Variants in ACOT7 observed in about 807,000 individuals in gnomAD.
ACOT7 encodes the protein cytosolic acyl coenzyme A thioester hydrolase.
A neutral mutation model predicts 40.2 loss-of-function variants in ACOT7; 12 were observed. The ratio of observed to expected loss-of-function variants is 0.30; its 90% CI spans 0.19 to 0.48. The LOEUF is 0.48. Ranked by LOEUF, ACOT7 falls within the 20% of genes least tolerant of loss-of-function variation. ACOT7 has a pLI of 0.99. For synonymous variants in ACOT7, 228 were observed against 219.5 expected (o/e 1.04, Z -0.34); for missense variants, 395 against 530.8 (o/e 0.74, Z 2.51).
chr1:6,295,027 G>A (rs771888331), intron 6 of ACOT7, 47 bp from the exon 7 acceptor site: 1 of 1,448,648 alleles, frequency 6.9e-7, no homozygotes, highest in South Asian at 1.1e-5. Flanking sequence ...AGGCAGAGGA[G>A]ATTATTTCAC....
intron 1 of ACOT7, among the ~76,000 whole-genome samples, chr1:6,373,059 C>T (rs996385382): frequency 1.3e-5 from 2 of 152,150 alleles, no homozygotes; most frequent in South Asian, 2.1e-4. Context: ...CTTACATGGA[C>T]GTGGTTCGTG....
rs72858387 is a variant in ACOT7, at chr1:6,355,915, G to A, written c.144-6049C>T. On this transcript the variant is annotated intron_variant, in intron 1 of 8. Coordinates refer to ENST00000361521, the MANE Select transcript of ACOT7 (RefSeq NM_007274.4). The surrounding 1 kb of genome is among the most constrained non-coding windows in gnomAD (Gnocchi z 5.0). ...TCCTGCCCCCTGGCCTCACCTTGAG[G>A]GCTGGCCATGCCTCCTGTGCCCTGG... Among the ~76,000 whole-genome samples, 16,092 of 152,150 alleles carry A rather than the reference G, an allele frequency of 0.11. 1,675 individuals carry two copies. The highest frequency in any genetic ancestry group is 0.26 in the African/African-American group (10,974 of 41,484).
At chr1:6,332,303 G>A (rs1392016404) in intron 4 of ACOT7, among the ~76,000 whole-genome samples, 2 of 152,222 alleles carry the variant, frequency 1.3e-5, no homozygotes, top group Non-Finnish European at 2.9e-5. Flanking sequence ...TGGACCGCAG[G>A]GTCAGGCTGC....
chr1:6,343,060 T>TC (rs1381997560), intron 2 of ACOT7, among the ~76,000 whole-genome samples: 3 of 152,196 alleles, frequency 2.0e-5, no homozygotes, highest in African/African-American at 7.2e-5. Context: ...CCCTCAGGCT[T>TC]CCCAGGGCGG....
At chr1:6,302,547 C>T (rs1640001862) in intron 6 of ACOT7, among the ~76,000 whole-genome samples, 1 of 152,088 alleles carries the variant, frequency 6.6e-6, no homozygotes, top group Non-Finnish European at 1.5e-5. Flanking sequence ...TGTGTTTTCA[C>T]AAATGCACTT....
chr1:6,298,412 G>T (rs1219631146), intron 6 of ACOT7, among the ~76,000 whole-genome samples: 1 of 152,240 alleles, frequency 6.6e-6, no homozygotes, highest in Non-Finnish European at 1.5e-5. Flanking sequence ...TGGGATTACA[G>T]GTGTGAGCTA....
At chr1:6,281,025 C>A in intron 8 of ACOT7, 77 bp downstream of exon 8, 4 of 1,532,462 alleles carry the variant, frequency 2.6e-6, no homozygotes, top group Non-Finnish European at 2.6e-6. Context: ...GGCACAGATT[C>A]CCCCTGGAGG....
intron 4 of ACOT7, 21 bp from the exon 5 acceptor site, chr1:6,327,434 G>C (rs1471075604): frequency 1.9e-6 from 3 of 1,612,858 alleles, no homozygotes; most frequent in African/African-American, 2.7e-5. Flanking sequence ...CCAAAGACAG[G>C]TCAGGCCCAG....
intron 1 of ACOT7, among the ~76,000 whole-genome samples, chr1:6,353,898 G>A (rs771387379): frequency 1.1e-4 from 16 of 152,062 alleles, no homozygotes; most frequent in South Asian, 6.2e-4. Context: ...CCTTTCCTAC[G>A]TGGCTGCCTT....
At chr1:6,345,796 C>T (rs1036239577) in intron 2 of ACOT7, among the ~76,000 whole-genome samples, 1 of 152,148 alleles carries the variant, frequency 6.6e-6, no homozygotes, top group Non-Finnish European at 1.5e-5. Context: ...AGAACAGTGC[C>T]TGTCTCAGCA....
Position 6,299,850 on chromosome 1 carries a change from G to A in ACOT7, c.713-4870C>T, listed in dbSNP as rs1388929567. Among the ~76,000 whole-genome samples the A allele has an allele frequency of 6.6e-6, 1 of 152,222 alleles. No homozygotes were observed. Among genetic ancestry groups the A allele is most frequent in the Non-Finnish European group, 1.5e-5 (1 of 68,048 alleles). On this transcript the variant is annotated intron_variant, in intron 6 of 8. Coordinates refer to ENST00000361521, the MANE Select transcript of ACOT7 (RefSeq NM_007274.4). This position sits in a 1 kb window ranked among gnomAD's most constrained non-coding sequence, Gnocchi z 4.1. Reference sequence around the variant, plus strand: ...TCACACACACAGCCAGCACAGGTGTGCCACGGAATTCCACGGCATTTCCCA... The same window carrying A: ...TCACACACACAGCCAGCACAGGTGTACCACGGAATTCCACGGCATTTCCCA...
At chr1:6,357,719 G>A (rs1641785491) in intron 1 of ACOT7, among the ~76,000 whole-genome samples, 2 of 152,158 alleles carry the variant, frequency 1.3e-5, no homozygotes, top group Admixed American at 1.3e-4. Context: ...TGGCATGGGG[G>A]GCGGGGGCCT....
chr1:6,268,025 G>A (rs534904422), intron 8 of ACOT7, among the ~76,000 whole-genome samples: 101 of 152,322 alleles, frequency 6.6e-4, no homozygotes, highest in African/African-American at 2.2e-3. Flanking sequence ...CCATTTACAC[G>A]AGATGTCCAG....
Position 6,384,665 on chromosome 1 carries a change from C to T in ACOT7, c.143+8592G>A, listed in dbSNP as rs894187968. 2.0e-5 allele frequency among the ~76,000 whole-genome samples: 3 copies of T among 151,886 alleles called. No individual in the cohort carries two copies. The South Asian group carries it at 6.2e-4, about 32-fold the overall frequency. ...AGGTAAGGTTGAAAGCGCTAACCCG[C>T]TAATCCTCCCTTGGCCTTTCTGGAG... On this transcript the variant is annotated intron_variant, in intron 1 of 8. Coordinates refer to ENST00000361521, the MANE Select transcript of ACOT7 (RefSeq NM_007274.4).
chr1:6,281,624 C>T lies in ACOT7; in HGVS notation c.830-338G>A, dbSNP rs529695474. ...CACTGTGCCCCCACGGGGGAGGCCG[C>T]AGACTGCCTTCCAGGAGCTGTGGGT... On this transcript the variant is annotated intron_variant, in intron 7 of 8. Transcript: ENST00000361521. 1.3e-3 allele frequency among the ~76,000 whole-genome samples: 194 copies of T among 152,342 alleles called. 5 individuals are homozygous for T. In the South Asian group the frequency reaches 0.036, roughly 28 times the overall value.
Position 6,295,103 on chromosome 1 carries a change from G to A in ACOT7, c.713-123C>T, listed in dbSNP as rs1017532266. On this transcript the variant is annotated intron_variant, in intron 6 of 8. Transcript: ENST00000361521. The stretch of plus-strand genomic sequence containing the variant: ...TAGCCACCAGCAAGGGCCGCAGCCA[G>A]CAGGGGTGCAGGGTGCTCGGCCGCA... 9 of 673,114 alleles carry A rather than the reference G, an allele frequency of 1.3e-5. No homozygotes were observed. In the African/African-American group the frequency reaches 1.6e-4, roughly 12 times the overall value. The allele number at this position is 673,114 out of a possible 1,614,324, so 41.7% of individuals were successfully genotyped here. A position where few individuals can be genotyped will look rare whatever the true frequency, so the allele number is the denominator to read the frequency against.
At chr1:6,383,791 G>A (rs1157428531) in intron 1 of ACOT7, among the ~76,000 whole-genome samples, 1 of 151,436 alleles carries the variant, frequency 6.6e-6, no homozygotes, top group African/African-American at 2.4e-5. Flanking sequence ...TGTAAGCTCC[G>A]CCTCCCGGGT....
chr1:6,300,980 G>C (rs1639959707), intron 6 of ACOT7, among the ~76,000 whole-genome samples: 1 of 152,232 alleles, frequency 6.6e-6, no homozygotes, highest in African/African-American at 2.4e-5. Context: ...GACCGGACCT[G>C]ACCTTGGGCC....
chr1:6,264,872 T>C lies in ACOT7; in HGVS notation c.1015-177A>G, dbSNP rs1364477851. Among the ~76,000 whole-genome samples the C allele has an allele frequency of 2.0e-5, 3 of 152,300 alleles. 1 individual carries two copies. In the East Asian group the frequency reaches 5.8e-4, roughly 29 times the overall value. On this transcript the variant is annotated intron_variant, in intron 8 of 8. Coordinates refer to ENST00000361521, the MANE Select transcript of ACOT7 (RefSeq NM_007274.4). ...CTGGGACTGCCGGGTAGCCCAGGCA[T>C]GGGGCTCATGTCCCACCTCGCTGAT...
Sources: allele counts gnomAD v4.1 joint callset (sites outside exome capture counted in the v4.1 genomes callset), GRCh38; gene constraint gnomAD v4.1.1; non-coding constraint Gnocchi (gnomAD v3.1); transcripts MANE v1.5; gene names NCBI Gene and HGNC (gene_info 2026-07-23, HGNC 2026-07-21).